Variants in SPOCK3 observed in about 807,000 individuals in gnomAD.
The protein encoded by SPOCK3 is SPARC (osteonectin), cwcv and kazal like domains proteoglycan 3, also known as testican-3.
SPOCK3 carries 30 observed loss-of-function variants against 56.6 expected under a neutral mutation model. The observed-to-expected ratio is 0.53, with a 90% confidence interval of 0.40 to 0.72. The LOEUF (loss-of-function observed/expected upper bound fraction) is 0.72. SPOCK3 is among the 30% of genes least tolerant of loss of function. The pLI is 0.00. For synonymous variants in SPOCK3, 196 were observed against 183.3 expected, an observed-to-expected ratio of 1.07 and a Z score of -0.56; for missense variants, 527 against 530.0, an observed-to-expected ratio of 0.99 and a Z score of 0.06.
intron 4 of SPOCK3, among the ~76,000 whole-genome samples, chr4:166,943,012 T>C (rs1282485144): frequency 6.6e-6 from 1 of 152,196 alleles, no homozygotes; most frequent in Admixed American, 6.5e-5. Flanking sequence ...GAAGAAAACA[T>C]TGCATTCCAT....
chr4:167,077,043 A>G (rs1397472528), intron 2 of SPOCK3, among the ~76,000 whole-genome samples: 1 of 151,856 alleles, frequency 6.6e-6, no homozygotes, highest in African/African-American at 2.4e-5. Context: ...ACATTGCATT[A>G]AAATATGTCA....
intron 3 of SPOCK3, 91 bp from the exon 4 acceptor site, chr4:167,000,554 A>G (rs1748847169): frequency 1.6e-6 from 1 of 610,090 alleles, no homozygotes; most frequent in Non-Finnish European, 2.9e-6. Context: ...GGTCATTTAC[A>G]TAATGCTTAA....
chr4:166,736,419 ATTGAATC>A (rs902459272), intron 10 of SPOCK3, among the ~76,000 whole-genome samples: 15 of 152,136 alleles, frequency 9.9e-5, no homozygotes, highest in Admixed American at 5.9e-4. Context: ...TAAGGCAGCT[ATTGAATC>A]CTCTTTCTTC....
At chr4:166,954,549 A>C (rs1028551808) in intron 4 of SPOCK3, among the ~76,000 whole-genome samples, 1 of 152,100 alleles carries the variant, frequency 6.6e-6, no homozygotes, top group Admixed American at 6.6e-5. Flanking sequence ...AACACCATTT[A>C]ATGAAGCAAC....
rs527341808 is a variant in SPOCK3 at position 167,157,746 on chromosome 4, T to C, written c.189+76239A>G. Reference sequence around the variant, plus strand: ...GGAAATGCTAGTGCAATTTTTATTATTGTTTAAACACACACACACACACAG... The same window carrying C: ...GGAAATGCTAGTGCAATTTTTATTACTGTTTAAACACACACACACACACAG... On this transcript the variant is annotated intron_variant, in intron 2 of 10. Transcript: ENST00000357545. Among the ~76,000 whole-genome samples the C allele has an allele frequency of 5.1e-4, 78 of 151,838 alleles. 1 individual carries two copies. The highest frequency in any genetic ancestry group is 1.6e-3 in the African/African-American group (68 of 41,480).
At chr4:166,923,330 C>T (rs1738712892) in intron 4 of SPOCK3, among the ~76,000 whole-genome samples, 1 of 152,152 alleles carries the variant, frequency 6.6e-6, no homozygotes, top group South Asian at 2.1e-4. Context: ...TATCTTTTGG[C>T]ACACATAGTA....
At chr4:167,082,451 T>C (rs938942419) in intron 2 of SPOCK3, among the ~76,000 whole-genome samples, 2 of 152,044 alleles carry the variant, frequency 1.3e-5, no homozygotes, top group African/African-American at 4.8e-5. Flanking sequence ...TAAAGTTGTG[T>C]TGTAATTTGT....
intron 4 of SPOCK3, among the ~76,000 whole-genome samples, chr4:166,935,261 T>A (rs1002095764): frequency 6.6e-6 from 1 of 152,130 alleles, no homozygotes; most frequent in South Asian, 2.1e-4. Flanking sequence ...GAGTTTGAGA[T>A]AATATCTCCC....
At chr4:167,073,823 A>G (rs1333464139) in intron 2 of SPOCK3, among the ~76,000 whole-genome samples, 1 of 151,910 alleles carries the variant, frequency 6.6e-6, no homozygotes, top group Admixed American at 6.6e-5. Context: ...GGCTTCTAAA[A>G]TCTTTGAACT....
At chr4:167,032,387 A>G (rs548293774) in intron 3 of SPOCK3, among the ~76,000 whole-genome samples, 22 of 152,094 alleles carry the variant, frequency 1.4e-4, no homozygotes, top group African/African-American at 4.6e-4. Flanking sequence ...AAAATAAAAT[A>G]AACTGAGGAA....
chr4:166,945,828 C>T (rs1244668669), intron 4 of SPOCK3, among the ~76,000 whole-genome samples: 1 of 152,186 alleles, frequency 6.6e-6, no homozygotes, highest in African/African-American at 2.4e-5. Flanking sequence ...GTTTTCCCTC[C>T]TTACCCTACA....
chr4:166,926,832 C>T (rs1579674040), intron 4 of SPOCK3, among the ~76,000 whole-genome samples: 1 of 152,142 alleles, frequency 6.6e-6, no homozygotes, highest in South Asian at 2.1e-4. Context: ...CTCTGAAATA[C>T]ACTTAAAGGG....
intron 4 of SPOCK3, among the ~76,000 whole-genome samples, chr4:166,945,340 C>T (rs892722253): frequency 6.6e-6 from 1 of 152,068 alleles, no homozygotes; most frequent in Non-Finnish European, 1.5e-5. Context: ...ATTTTTATAA[C>T]TATAGGTTTT....
intron 2 of SPOCK3, among the ~76,000 whole-genome samples, chr4:167,116,225 A>G (rs1049204636): frequency 1.3e-5 from 2 of 151,760 alleles, no homozygotes; most frequent in African/African-American, 2.4e-5. Context: ...AGGCATGAGG[A>G]AGAAAATTCC....
intron 6 of SPOCK3, among the ~76,000 whole-genome samples, chr4:166,854,220 G>A (rs532200518): frequency 2.0e-5 from 3 of 152,254 alleles, no homozygotes; most frequent in African/African-American, 7.2e-5. Flanking sequence ...TTGCATTGGT[G>A]TTCATGTTTT....
At chr4:167,125,750 T>G (rs1762223011) in intron 2 of SPOCK3, among the ~76,000 whole-genome samples, 1 of 152,096 alleles carries the variant, frequency 6.6e-6, no homozygotes, top group African/African-American at 2.4e-5. Context: ...AAACCCTCCA[T>G]TTCTTTCTTT....
At chr4:166,843,134 C>G (rs1270713931) in intron 6 of SPOCK3, among the ~76,000 whole-genome samples, 1 of 152,226 alleles carries the variant, frequency 6.6e-6, no homozygotes, top group Non-Finnish European at 1.5e-5. Context: ...AAGCCCGTGC[C>G]CACCCAGAAC....
chr4:167,089,379 AT>A (rs761786472), intron 2 of SPOCK3, among the ~76,000 whole-genome samples: 3 of 151,992 alleles, frequency 2.0e-5, no homozygotes, highest in Non-Finnish European at 2.9e-5. Flanking sequence ...TAATTTTCTA[AT>A]TTTTTCCCTG....
At chr4:166,939,125 T>C (rs754552760) in intron 4 of SPOCK3, among the ~76,000 whole-genome samples, 13 of 152,128 alleles carry the variant, frequency 8.5e-5, no homozygotes, top group Non-Finnish European at 1.5e-4. Context: ...TGGTAGAACA[T>C]AGATTCTTTC....
Sources: allele counts gnomAD v4.1 joint callset (sites outside exome capture counted in the v4.1 genomes callset), GRCh38; gene constraint gnomAD v4.1.1; transcripts MANE v1.5; gene names NCBI Gene and HGNC (gene_info 2026-07-23, HGNC 2026-07-21).